The following MPP4 variants were observed in gnomAD, a reference collection of about 807,000 sequenced individuals.
The protein encoded by MPP4 is MAGUK p55 subfamily member 4.
Under a neutral mutation model 98.3 loss-of-function variants are expected in MPP4, and 91 were observed. The ratio of observed to expected loss-of-function variants is 0.93; its 90% CI spans 0.78 to 1.10. The LOEUF (loss-of-function observed/expected upper bound fraction) is 1.10, where lower values mean the gene tolerates loss of function less well. MPP4 is among the 50% of genes least tolerant of loss of function. MPP4 has a pLI of 0.00. For missense variants in MPP4, 744 were observed against 792.9 expected, an observed-to-expected ratio of 0.94 and a Z score of 0.74; for synonymous variants, 261 against 271.8, an observed-to-expected ratio of 0.96 and a Z score of 0.39.
At chr2:201,678,218 G>A (rs757273765) in intron 10 of MPP4, among the ~76,000 whole-genome samples, 34 of 151,966 alleles carry the variant, frequency 2.2e-4, no homozygotes, top group Non-Finnish European at 3.2e-4. Context: ...CAAGGCCCCT[G>A]CCAGACCCTC....
chr2:201,656,406 A>G (rs1687850779), intron 16 of MPP4, 38 bp from the exon 17 acceptor site: 4 of 1,514,644 alleles, frequency 2.6e-6, no homozygotes, highest in African/African-American at 1.4e-5. Context: ...AGAACCAGGC[A>G]GGAGAGATCA....
At chr2:201,654,749 A>AT in intron 18 of MPP4, 88 bp downstream of exon 18, 1 of 869,946 alleles carries the variant, frequency 1.1e-6, no homozygotes, top group Non-Finnish European at 1.7e-6. Flanking sequence ...ATACTTTTAC[A>AT]ACAAAGATGG....
Position 201,656,292 on chromosome 2 carries a change from G to T in MPP4, c.1206C>A (p.Thr402=). Reference sequence around the variant, plus strand: ...CACCCACTGCACTGTAGCAGCTGCCGGTGCAGCACACACTGGCATGCAGCG... The same window carrying T: ...CACCCACTGCACTGTAGCAGCTGCCTGTGCAGCACACACTGGCATGCAGCG... The part of the protein sequence containing the change: ...LSPLHASVCC[T]GSCYSAVGAP... Residue 402 remains threonine, a synonymous_variant, in exon 17 of 22, where the codon ACC becomes ACA. Transcript: ENST00000409474. The T allele has an allele frequency of 6.3e-7, 1 of 1,581,474 alleles. No individual in the cohort carries two copies. The highest frequency in any genetic ancestry group is 8.6e-7 in the Non-Finnish European group (1 of 1,163,254).
chr2:201,688,236 C>T (rs1688896278), intron 4 of MPP4, among the ~76,000 whole-genome samples: 1 of 152,002 alleles, frequency 6.6e-6, no homozygotes, highest in South Asian at 2.1e-4. Flanking sequence ...ATTTATTGAA[C>T]ACTACTGTGT....
chr2:201,690,072 G>C (rs542561618), intron 4 of MPP4, 130 bp downstream of exon 4: 25 of 526,578 alleles, frequency 4.7e-5, no homozygotes, highest in Admixed American at 6.8e-5. Context: ...AGTTCAATTA[G>C]AAACATTTAT....
At chr2:201,663,200 T>C (rs923976039) in intron 14 of MPP4, among the ~76,000 whole-genome samples, 2 of 152,204 alleles carry the variant, frequency 1.3e-5, no homozygotes, top group Admixed American at 1.3e-4. Context: ...ACTTTTTGTG[T>C]GTTGAAAAAT....
chr2:201,669,340 T>A (rs1159267633), intron 12 of MPP4, among the ~76,000 whole-genome samples: 1 of 152,188 alleles, frequency 6.6e-6, no homozygotes, highest in East Asian at 1.9e-4. Flanking sequence ...GGAATAATAA[T>A]AATAATTTTC....
chr2:201,645,621 G>C (rs1021340540), intron 21 of MPP4, among the ~76,000 whole-genome samples: 18 of 151,686 alleles, frequency 1.2e-4, no homozygotes, highest in African/African-American at 4.1e-4. Flanking sequence ...TTTGCCCTCT[G>C]TTATTGAAAT....
intron 17 of MPP4, among the ~76,000 whole-genome samples, chr2:201,655,531 G>GC (rs1687824682): frequency 6.6e-6 from 1 of 152,220 alleles, no homozygotes; most frequent in Non-Finnish European, 1.5e-5. Context: ...AATGGGGCCT[G>GC]CAAATGATAT....
At chr2:201,691,914 A>T (rs1031655143) in intron 3 of MPP4, among the ~76,000 whole-genome samples, 3 of 152,236 alleles carry the variant, frequency 2.0e-5, no homozygotes, top group Non-Finnish European at 2.9e-5. Flanking sequence ...ATAACTTTTT[A>T]AAGCACTTTT....
At chr2:201,660,668 G>T (rs899800879) in intron 14 of MPP4, among the ~76,000 whole-genome samples, 1 of 152,098 alleles carries the variant, frequency 6.6e-6, no homozygotes, top group Non-Finnish European at 1.5e-5. Context: ...TTAAAGGAAA[G>T]CAACAGGTTT....
intron 3 of MPP4, among the ~76,000 whole-genome samples, chr2:201,690,897 T>A (rs1281317799): frequency 6.6e-6 from 1 of 152,212 alleles, no homozygotes; most frequent in Non-Finnish European, 1.5e-5. Context: ...AGATCTAGGT[T>A]TGGGCTGAGG....
chr2:201,655,370 C>T (rs534373679), intron 17 of MPP4, among the ~76,000 whole-genome samples: 2 of 152,140 alleles, frequency 1.3e-5, no homozygotes, highest in South Asian at 2.1e-4. Context: ...CATGTCCGGC[C>T]GGAGGCAGGG....
Position 201,687,309 on chromosome 2 carries a change from G to A in MPP4, c.342C>T (p.Leu114=), listed in dbSNP as rs1005739488. 16 of 1,579,368 alleles carry A rather than the reference G, an allele frequency of 1.0e-5. No individual in the cohort carries two copies. The African/African-American group carries it at 1.7e-4, about 17-fold the overall frequency. The stretch of plus-strand genomic sequence containing the variant: ...CACTTGCCTTGAAGTGTGGAGCCTG[G>A]AGCATTTGTCTCAGCTCTTGGATCT... ...SPEIQELRQM[L]QAPHFKALLS... is the part of the protein sequence containing the mutation. The change falls in exon 5 of 22, where the codon CTC becomes CTT. Residue 114 remains leucine, a synonymous_variant. Coordinates refer to ENST00000409474, the MANE Select transcript of MPP4 (RefSeq NM_033066.3).
intron 4 of MPP4, among the ~76,000 whole-genome samples, chr2:201,689,475 A>T (rs1461815662): frequency 2.6e-5 from 4 of 152,156 alleles, no homozygotes; most frequent in Non-Finnish European, 5.9e-5. Flanking sequence ...AGTAGACTGT[A>T]GAGGAGCAAG....
intron 18 of MPP4, among the ~76,000 whole-genome samples, chr2:201,653,610 T>C (rs935065168): frequency 6.6e-6 from 1 of 152,232 alleles, no homozygotes; most frequent in African/African-American, 2.4e-5. Context: ...TGCATTATTA[T>C]ACATTATTAT....
At chr2:201,663,894 T>C (rs1046903190) in intron 14 of MPP4, among the ~76,000 whole-genome samples, 187 bp downstream of exon 14, 1 of 152,114 alleles carries the variant, frequency 6.6e-6, no homozygotes, top group African/African-American at 2.4e-5. Flanking sequence ...AAATTAAAAA[T>C]TAAAATTAAA....
chr2:201,698,506 G>C, intron 1 of MPP4, 81 bp downstream of exon 1: 2 of 1,046,604 alleles, frequency 1.9e-6, no homozygotes, highest in Non-Finnish European at 2.6e-6. Flanking sequence ...TATATCTTTA[G>C]CTATTAAAAA....
intron 5 of MPP4, among the ~76,000 whole-genome samples, chr2:201,686,360 T>C (rs781178032): frequency 6.6e-6 from 1 of 152,208 alleles, no homozygotes; most frequent in Non-Finnish European, 1.5e-5. Context: ...TGGCAGCCCA[T>C]GTAATCTGTG....
Sources: allele counts gnomAD v4.1 joint callset (sites outside exome capture counted in the v4.1 genomes callset), GRCh38; gene constraint gnomAD v4.1.1; transcripts MANE v1.5; gene names NCBI Gene and HGNC (gene_info 2026-07-23, HGNC 2026-07-21).